The following EVI5 variants were observed in gnomAD, a reference collection of about 807,000 sequenced individuals.
EVI5 encodes ecotropic viral integration site 5.
A neutral mutation model predicts 112.0 loss-of-function variants in EVI5; 73 were observed. The observed-to-expected ratio is 0.65, with a 90% CI of 0.54 to 0.79. EVI5 has a LOEUF of 0.79. Ranked by LOEUF, EVI5 falls within the 30% of genes least tolerant of loss-of-function variation. The pLI, the probability that EVI5 is intolerant of heterozygous loss-of-function variation, is 0.00. For synonymous variants in EVI5, 305 were observed against 319.9 expected (o/e 0.95, Z 0.50); for missense variants, 900 against 968.8 (o/e 0.93, Z 0.94).
intron 16 of EVI5, among the ~76,000 whole-genome samples, chr1:92,609,571 T>C (rs1335851460): frequency 5.3e-5 from 8 of 152,152 alleles, no homozygotes; most frequent in Non-Finnish European, 7.4e-5. Context: ...TTGGCCAGGC[T>C]GGTCTCGAAC....
Position 92,523,601 on chromosome 1 carries a change from T to C in EVI5, c.2167-9631A>G, listed in dbSNP as rs1441500557. Among the ~76,000 whole-genome samples the C allele has an allele frequency of 2.0e-5, 3 of 152,188 alleles. No individual in the cohort carries two copies. The East Asian group carries it at 5.8e-4, about 29-fold the overall frequency. The stretch of plus-strand genomic sequence containing the variant: ...TGTAACATTTAAAAATAATGTATTT[T>C]AGGTATTCATTAGATTTGCTATCTT... On this transcript the variant is annotated intron_variant, in intron 19 of 19. Transcript: ENST00000684568.
At chr1:92,644,550 A>G (rs1660597030) in intron 13 of EVI5, among the ~76,000 whole-genome samples, 1 of 151,956 alleles carries the variant, frequency 6.6e-6, no homozygotes, top group Admixed American at 6.6e-5. Context: ...GGTTAGCTTG[A>G]ATTTCTTTAT....
At chr1:92,744,582 AAT>A (rs1380904033) in intron 1 of EVI5, among the ~76,000 whole-genome samples, 4 of 81,270 alleles carry the variant, frequency 4.9e-5, no homozygotes, top group East Asian at 6.8e-4. Context: ...AATTATGCCA[AAT>A]ATCTCTCTCT....
chr1:92,591,896 T>C (rs1467243889), intron 18 of EVI5, among the ~76,000 whole-genome samples: 5 of 152,096 alleles, frequency 3.3e-5, no homozygotes, highest in African/African-American at 1.2e-4. Context: ...CAACAGAAAG[T>C]ATAACAAACT....
At chr1:92,606,043 C>T (rs1246875674) in intron 17 of EVI5, among the ~76,000 whole-genome samples, 5 of 152,160 alleles carry the variant, frequency 3.3e-5, no homozygotes, top group Admixed American at 3.3e-4. Context: ...CCTGCAAAGG[C>T]ATCACGAAAG....
chr1:92,613,249 A>G (rs1222192909), intron 16 of EVI5, among the ~76,000 whole-genome samples: 1 of 152,184 alleles, frequency 6.6e-6, no homozygotes, highest in Non-Finnish European at 1.5e-5. Context: ...AACACACCAG[A>G]TCAAAGGACA....
chr1:92,693,885 G>A lies in EVI5; in HGVS notation c.1014C>T (p.Val338=). 1 of 1,591,640 alleles carries A rather than the reference G, an allele frequency of 6.3e-7. No homozygotes were observed. Among genetic ancestry groups the A allele is most frequent in the Middle Eastern group, 1.7e-4 (1 of 6,032 alleles). The part of the protein sequence containing the change: ...MEGMLQHFQK[V]IPHQFDGVPD... ...GGACACCATCAAACTGATGTGGAAT[G>A]ACCTTTTGAAAGTGCTAAGATACAA... Residue 338 remains valine, a synonymous_variant, in exon 9 of 20, where the codon GTC becomes GTT. Transcript: ENST00000684568.
chr1:92,561,335 G>T (rs1668494131), intron 19 of EVI5, among the ~76,000 whole-genome samples: 1 of 151,488 alleles, frequency 6.6e-6, no homozygotes, highest in African/African-American at 2.4e-5. Context: ...TGCTTTAAAG[G>T]TTTTTTTTCC....
At chr1:92,530,416 C>T (rs1371791786) in intron 19 of EVI5, among the ~76,000 whole-genome samples, 2 of 152,108 alleles carry the variant, frequency 1.3e-5, no homozygotes. Flanking sequence ...GCGGATCTCC[C>T]AACACAGCGT....
In EVI5 at chr1:92,707,480, C is replaced by T. The variant is rs1333122939; in HGVS notation, c.150-2736G>A. On this transcript the variant is annotated intron_variant, in intron 2 of 19. Transcript: ENST00000684568. ...AATAACTAAGAAACCAAACACCACA[C>T]TTTAAAAAATGAGTAAGAGACGTAA... Among the ~76,000 whole-genome samples the T allele has an allele frequency of 3.3e-5, 5 of 152,016 alleles. No homozygotes were observed. In the East Asian group the frequency reaches 5.8e-4, roughly 18 times the overall value.
chr1:92,771,355 T>A (rs1040301618), intron 1 of EVI5, among the ~76,000 whole-genome samples: 1 of 152,026 alleles, frequency 6.6e-6, no homozygotes, highest in Non-Finnish European at 1.5e-5. Context: ...CTTCCTTTAC[T>A]CCCAGTTACT....
At chr1:92,756,550 A>G (rs1160240164) in intron 1 of EVI5, 2 of 520,838 alleles carry the variant, frequency 3.8e-6, no homozygotes, top group Non-Finnish European at 7.9e-6. Context: ...ACAGCTATTG[A>G]CTGCTCATGA....
intron 18 of EVI5, among the ~76,000 whole-genome samples, chr1:92,581,580 C>T (rs906901538): frequency 2.6e-5 from 4 of 152,150 alleles, no homozygotes; most frequent in Non-Finnish European, 5.9e-5. Flanking sequence ...CAAGCCCTGG[C>T]AGGCCTCTCT....
intron 19 of EVI5, among the ~76,000 whole-genome samples, chr1:92,546,216 T>C (rs1463088019): frequency 6.6e-6 from 1 of 152,182 alleles, no homozygotes; most frequent in Non-Finnish European, 1.5e-5. Flanking sequence ...AAATATTCAC[T>C]GATTAAATGG....
chr1:92,658,657 CA>C (rs1207927413), intron 13 of EVI5, among the ~76,000 whole-genome samples: 1 of 152,012 alleles, frequency 6.6e-6, no homozygotes, highest in African/African-American at 2.4e-5. Flanking sequence ...CCATACTGCC[CA>C]AAGCAGTCTA....
At chr1:92,698,330 T>G (rs1486242030) in intron 5 of EVI5, among the ~76,000 whole-genome samples, 3 of 152,236 alleles carry the variant, frequency 2.0e-5, no homozygotes, top group Non-Finnish European at 4.4e-5. Context: ...AACCTGAATT[T>G]CTAATGGAGG....
chr1:92,585,726 CCA>C (rs1337927464), intron 18 of EVI5, among the ~76,000 whole-genome samples: 1 of 152,028 alleles, frequency 6.6e-6, no homozygotes, highest in Non-Finnish European at 1.5e-5. Context: ...ACATACCCTC[CCA>C]CAGTTTCCCC....
intron 9 of EVI5, among the ~76,000 whole-genome samples, chr1:92,687,879 G>GTCATT (rs1293554395): frequency 6.6e-6 from 1 of 152,096 alleles, no homozygotes; most frequent in African/African-American, 2.4e-5. Context: ...AAAAAGTCAG[G>GTCATT]AAACAACAGA....
intron 18 of EVI5, among the ~76,000 whole-genome samples, chr1:92,594,092 G>C (rs965699804): frequency 1.6e-4 from 25 of 152,176 alleles, no homozygotes; most frequent in African/African-American, 5.8e-4. Flanking sequence ...AACCAAAAAA[G>C]AGCCTGCATT....
Sources: gnomAD v4.1 joint callset for allele counts (sites outside exome capture counted in the v4.1 genomes callset) on GRCh38, gnomAD v4.1.1 for gene constraint, MANE v1.5 for transcripts, NCBI Gene and HGNC (gene_info 2026-07-23, HGNC 2026-07-21) for gene names.